The following OR51B5 variants were observed in gnomAD, a reference collection of about 807,000 sequenced individuals.
OR51B5 encodes olfactory receptor family 51 subfamily B member 5.
For missense variants in OR51B5, 456 were observed against 374.6 expected, an observed-to-expected ratio of 1.22 and a Z score of -1.79; for synonymous variants, 186 against 144.8, an observed-to-expected ratio of 1.28 and a Z score of -2.04.
At chr11:5,349,994 A>G (rs199890130) in intron 1 of OR51B5, among the ~76,000 whole-genome samples, 1 of 152,128 alleles carries the variant, frequency 6.6e-6, no homozygotes, top group East Asian at 1.9e-4. Context: ...TCATCATCTT[A>G]TATCTGTTCC....
intron 1 of OR51B5, among the ~76,000 whole-genome samples, chr11:5,417,096 C>G (rs1161300091): frequency 6.6e-6 from 1 of 151,708 alleles, no homozygotes; most frequent in Non-Finnish European, 1.5e-5. Context: ...ATCAATGGAA[C>G]AGAACAGAGC....
chr11:5,481,501 C>A (rs961556715), intron 1 of OR51B5, among the ~76,000 whole-genome samples: 4 of 142,534 alleles, frequency 2.8e-5, no homozygotes, highest in African/African-American at 1.1e-4. Flanking sequence ...GTTGGAAGTT[C>A]TGGCCAGGGC....
chr11:5,375,621 C>A (rs2471982), intron 1 of OR51B5, among the ~76,000 whole-genome samples: 54,229 of 151,784 alleles, frequency 0.36, 10,110 homozygotes, highest in Non-Finnish European at 0.4. Context: ...GGAAGATCTA[C>A]CAAGCAAATG....
At chr11:5,430,777 G>T (rs1850522261) in intron 1 of OR51B5, 1 of 457,276 alleles carries the variant, frequency 2.2e-6, no homozygotes, top group East Asian at 7.0e-5. Flanking sequence ...AGACATAAGT[G>T]TGTGGACAAT....
chr11:5,494,976 G>C (rs748679241), intron 1 of OR51B5, among the ~76,000 whole-genome samples: 3 of 152,170 alleles, frequency 2.0e-5, no homozygotes, highest in Non-Finnish European at 4.4e-5. Context: ...AGAAAGTATG[G>C]TATCCAGAAA....
intron 1 of OR51B5, chr11:5,402,571 C>T (rs202051222): frequency 3.3e-5 from 15 of 454,102 alleles, no homozygotes; most frequent in Non-Finnish European, 5.1e-5. Flanking sequence ...CAAGGTGGCA[C>T]TGATCCCTGA....
intron 1 of OR51B5, among the ~76,000 whole-genome samples, chr11:5,350,660 T>C (rs909370395): frequency 2.0e-5 from 3 of 152,228 alleles, no homozygotes; most frequent in Admixed American, 1.3e-4. Flanking sequence ...GTAGGTGATA[T>C]GCAACAGTAG....
rs1305892799 is a variant in OR51B5 at position 5,367,151 on chromosome 11, CAG to C, written n.85-20243_85-20242del. Among the ~76,000 whole-genome samples, 6 of 151,580 alleles carry C rather than the reference CAG, an allele frequency of 4.0e-5. 1 individual carries two copies. The highest frequency in any genetic ancestry group is 1.5e-4 in the African/African-American group (6 of 41,278). ...CACCTTGCAAAGCCACTTAGTGACA[CAG>C]AGTTTTAGTTATTTCATTGTGAACT... On this transcript the variant is annotated intron_variant and non_coding_transcript_variant, in intron 1 of 4. Transcript: ENST00000415970.
intron 1 of OR51B5, among the ~76,000 whole-genome samples, chr11:5,446,924 C>A (rs896813765): frequency 1.3e-5 from 2 of 152,156 alleles, no homozygotes; most frequent in African/African-American, 2.4e-5. Flanking sequence ...TGATAGTGTA[C>A]CTGCCAGAAG....
At chr11:5,447,370 C>T (rs1046696477) in intron 1 of OR51B5, among the ~76,000 whole-genome samples, 2 of 152,280 alleles carry the variant, frequency 1.3e-5, no homozygotes, top group Admixed American at 6.5e-5. Context: ...ATGGTTCCAG[C>T]TTCCACTGGT....
chr11:5,441,999 A>G (rs892755074), intron 1 of OR51B5, among the ~76,000 whole-genome samples: 1 of 152,084 alleles, frequency 6.6e-6, no homozygotes, highest in African/African-American at 2.4e-5. Flanking sequence ...CTGAAATCCT[A>G]AATTTACTGT....
In OR51B5 at chr11:5,452,628, G is replaced by C. The variant is rs116385531; in HGVS notation, n.84+52941C>G. 1.7e-3 allele frequency among the ~76,000 whole-genome samples: 251 copies of C among 148,080 alleles called. 1 individual carries two copies. Among genetic ancestry groups the C allele is most frequent in the African/African-American group, 5.9e-3 (236 of 40,256 alleles). On this transcript the variant is annotated intron_variant and non_coding_transcript_variant, in intron 1 of 4. Transcript: ENST00000415970. Reference sequence around the variant, plus strand: ...ATATGGAGAGAGTATGTGAATGAGCGTCTTCTTAGACTATGAATGAGCTTT... The same window carrying C: ...ATATGGAGAGAGTATGTGAATGAGCCTCTTCTTAGACTATGAATGAGCTTT...
At chr11:5,360,443 A>ACCAT (rs1564920730) in intron 1 of OR51B5, among the ~76,000 whole-genome samples, 1 of 151,186 alleles carries the variant, frequency 6.6e-6, no homozygotes, top group East Asian at 1.9e-4. Context: ...ACAGTGAGAT[A>ACCAT]CCATCTCACA....
intron 1 of OR51B5, among the ~76,000 whole-genome samples, chr11:5,374,985 C>G: frequency 6.6e-6 from 1 of 151,564 alleles, no homozygotes; most frequent in Non-Finnish European, 1.5e-5. Context: ...ACAGAGAACG[C>G]CACAAACATA....
intron 1 of OR51B5, among the ~76,000 whole-genome samples, chr11:5,483,665 G>A (rs1851459658): frequency 6.6e-6 from 1 of 150,562 alleles, no homozygotes; most frequent in South Asian, 2.1e-4. Flanking sequence ...AAACTCACTG[G>A]AAAATTTCCC....
intron 1 of OR51B5, chr11:5,454,290 G>A (rs766640643): frequency 3.1e-6 from 5 of 1,614,070 alleles, no homozygotes; most frequent in Middle Eastern, 1.6e-4. Context: ...TGGGAAGCAT[G>A]TCCCATGCTA....
chr11:5,452,378 A>T (rs11037484), intron 1 of OR51B5, among the ~76,000 whole-genome samples: 70,569 of 150,848 alleles, frequency 0.47, 16,759 homozygotes, highest in Non-Finnish European at 0.5. Context: ...TGGTGGCGGG[A>T]GCCTGTAGTC....
chr11:5,411,568 T>C (rs1850149925), intron 1 of OR51B5, among the ~76,000 whole-genome samples: 1 of 152,234 alleles, frequency 6.6e-6, no homozygotes, highest in South Asian at 2.1e-4. Flanking sequence ...AACATAATTG[T>C]GGTAGACCAA....
chr11:5,424,998 GAA>G (rs1589990142), intron 1 of OR51B5, among the ~76,000 whole-genome samples: 1 of 90,766 alleles, frequency 1.1e-5, no homozygotes, highest in Non-Finnish European at 2.3e-5. Flanking sequence ...AAAAAAAAAA[GAA>G]GTGAAAGGCA....
Sources: gnomAD v4.1 joint callset for allele counts (sites outside exome capture counted in the v4.1 genomes callset) on GRCh38, gnomAD v4.1.1 for gene constraint, MANE v1.5 for transcripts, NCBI Gene and HGNC (gene_info 2026-07-23, HGNC 2026-07-21) for gene names.